The following SERGEF variants were observed in gnomAD, a reference collection of about 807,000 sequenced individuals.
SERGEF encodes the protein secretion regulating guanine nucleotide exchange factor.
A neutral mutation model predicts 50.0 loss-of-function variants in SERGEF; 51 were observed. The ratio of observed to expected loss-of-function variants is 1.02; its 90% CI spans 0.81 to 1.29. The LOEUF is 1.29. Ranked by LOEUF, SERGEF falls within the 50% of genes most tolerant of loss-of-function variation. SERGEF has a pLI of 0.00. For synonymous variants in SERGEF, 205 were observed against 212.4 expected, an observed-to-expected ratio of 0.97 and a Z score of 0.30; for missense variants, 521 against 557.0, an observed-to-expected ratio of 0.94 and a Z score of 0.65.
chr11:17,973,277 T>G (rs1486992479), intron 8 of SERGEF, among the ~76,000 whole-genome samples: 3 of 152,120 alleles, frequency 2.0e-5, no homozygotes, highest in East Asian at 1.9e-4. Context: ...AGGAGCAGGA[T>G]CAGGGACAGA....
At chr11:17,830,533 TGA>T (rs1491093708) in intron 10 of SERGEF, among the ~76,000 whole-genome samples, 6 of 139,798 alleles carry the variant, frequency 4.3e-5, no homozygotes, top group African/African-American at 1.6e-4. Context: ...GGCAAGAGAG[TGA>T]GAGAGAGGAA....
chr11:17,975,262 CACTT>C (rs1853346673), intron 8 of SERGEF, among the ~76,000 whole-genome samples: 2 of 152,144 alleles, frequency 1.3e-5, no homozygotes, highest in African/African-American at 4.8e-5. Flanking sequence ...GAGTGAGCCT[CACTT>C]GGCAAAATTT....
chr11:17,938,742 T>C (rs1228593131), intron 9 of SERGEF, among the ~76,000 whole-genome samples: 3 of 152,184 alleles, frequency 2.0e-5, no homozygotes, highest in Non-Finnish European at 4.4e-5. Context: ...TTGGAACATA[T>C]GGGTATATTG....
chr11:17,864,631 A>G (rs1269772632), intron 10 of SERGEF, among the ~76,000 whole-genome samples: 1 of 152,190 alleles, frequency 6.6e-6, no homozygotes, highest in Non-Finnish European at 1.5e-5. Context: ...AGTGGCAACG[A>G]ATATATCAGT....
At chr11:17,920,634 C>A (rs1357533572) in intron 9 of SERGEF, among the ~76,000 whole-genome samples, 1 of 152,226 alleles carries the variant, frequency 6.6e-6, no homozygotes, top group African/African-American at 2.4e-5. Flanking sequence ...AACTCTCACT[C>A]TAGCAGGCAA....
chr11:17,845,226 AT>A (rs3216314), intron 10 of SERGEF, among the ~76,000 whole-genome samples: 82 of 150,786 alleles, frequency 5.4e-4, no homozygotes, highest in African/African-American at 1.5e-3. Context: ...CTTCATGTCC[AT>A]TTTTTTTTAT....
intron 9 of SERGEF, among the ~76,000 whole-genome samples, chr11:17,914,383 T>C (rs1852009338): frequency 6.6e-6 from 1 of 152,216 alleles, no homozygotes; most frequent in South Asian, 2.1e-4. Flanking sequence ...GGGGTAGGGC[T>C]TGGCAAGTAA....
intron 5 of SERGEF, among the ~76,000 whole-genome samples, chr11:17,998,428 CATACATACATACATATATATAT>C (rs1853882733): frequency 2.0e-4 from 2 of 10,074 alleles, no homozygotes; most frequent in African/African-American, 7.9e-4. Flanking sequence ...AAAATACATA[CATACATACATACATATATATAT>C]ATATATATAT....
At chr11:17,843,548 C>CA (rs1295091184) in intron 10 of SERGEF, among the ~76,000 whole-genome samples, 1 of 152,158 alleles carries the variant, frequency 6.6e-6, no homozygotes, top group Non-Finnish European at 1.5e-5. Flanking sequence ...TCTTAGATTC[C>CA]AAAGTCTGTG....
chr11:17,907,780 G>A (rs190591377), intron 9 of SERGEF, among the ~76,000 whole-genome samples: 1 of 152,238 alleles, frequency 6.6e-6, no homozygotes, highest in Admixed American at 6.5e-5. Flanking sequence ...AAGGATCTCA[G>A]AGGGAAGATG....
intron 10 of SERGEF, among the ~76,000 whole-genome samples, chr11:17,808,203 G>C (rs1849797883): frequency 6.6e-6 from 1 of 152,224 alleles, no homozygotes; most frequent in South Asian, 2.1e-4. Context: ...AATGTGCAAT[G>C]TATTAGTCCG....
chr11:17,960,730 G>A (rs1177508886), intron 8 of SERGEF, among the ~76,000 whole-genome samples: 1 of 152,202 alleles, frequency 6.6e-6, no homozygotes, highest in Non-Finnish European at 1.5e-5. Context: ...ATATTGCAGT[G>A]ATACAAGGCT....
At chr11:17,993,930 C>T (rs2134001356) in intron 6 of SERGEF, among the ~76,000 whole-genome samples, 1 of 152,276 alleles carries the variant, frequency 6.6e-6, no homozygotes, top group Admixed American at 6.5e-5. Context: ...GGAACTCCCC[C>T]AAAACCAACT....
intron 5 of SERGEF, among the ~76,000 whole-genome samples, chr11:17,999,098 G>A (rs907076606): frequency 6.6e-6 from 1 of 152,098 alleles, no homozygotes; most frequent in Non-Finnish European, 1.5e-5. Flanking sequence ...ACCTCAAAAG[G>A]TTATATACTG....
chr11:17,814,051 A>G (rs375798619), intron 10 of SERGEF, among the ~76,000 whole-genome samples: 35 of 152,312 alleles, frequency 2.3e-4, no homozygotes, highest in Non-Finnish European at 2.9e-4. Flanking sequence ...CTCAGCAATG[A>G]CTTTAAAAAG....
intron 7 of SERGEF, among the ~76,000 whole-genome samples, chr11:17,990,054 G>A (rs992956535): frequency 5.3e-5 from 8 of 152,210 alleles, no homozygotes; most frequent in African/African-American, 1.7e-4. Flanking sequence ...GAGTCAAATA[G>A]GGACTAGAAG....
At chr11:18,004,112 C>T (rs911938062) in intron 4 of SERGEF, among the ~76,000 whole-genome samples, 8 of 152,192 alleles carry the variant, frequency 5.3e-5, no homozygotes, top group Non-Finnish European at 1.2e-4. Flanking sequence ...CGACAAATCA[C>T]TTCTATCTGG....
At chr11:17,920,594 A>C (rs1487246035) in intron 9 of SERGEF, among the ~76,000 whole-genome samples, 1 of 152,210 alleles carries the variant, frequency 6.6e-6, no homozygotes, top group Non-Finnish European at 1.5e-5. Context: ...AGTGATAGTA[A>C]TCTGAATTCA....
chr11:17,855,427 G>A (rs938715471), intron 10 of SERGEF: 3 of 152,180 alleles, frequency 2.0e-5, no homozygotes, highest in African/African-American at 7.2e-5. Context: ...ATACAGTAGT[G>A]CCCCCTTATC....
Sources: gnomAD v4.1 joint callset for allele counts (sites outside exome capture counted in the v4.1 genomes callset) on GRCh38, gnomAD v4.1.1 for gene constraint, MANE v1.5 for transcripts, NCBI Gene and HGNC (gene_info 2026-07-23, HGNC 2026-07-21) for gene names.